The following CEP295 variants were observed in gnomAD, a reference collection of about 807,000 sequenced individuals.
CEP295 encodes centrosomal protein 295, also known as centrosomal protein of 295 kDa.
CEP295 carries 190 observed loss-of-function variants against 291.6 expected under a neutral mutation model. That is an observed-to-expected ratio of 0.65 (90% CI 0.58 to 0.73). The LOEUF is 0.73. Among genes scored for constraint, CEP295 ranks in the 30% least tolerant of loss-of-function variants. The pLI is 0.00. For missense variants in CEP295, 2,863 were observed against 2,949.4 expected (o/e 0.97, Z 0.68); for synonymous variants, 993 against 1,038.8 (o/e 0.96, Z 0.85).
At chr11:93,704,844 C>G (rs6483262) in intron 17 of CEP295, among the ~76,000 whole-genome samples, 62,077 of 151,950 alleles carry the variant, frequency 0.41, 13,732 homozygotes, top group Admixed American at 0.49. Context: ...CCTACACACC[C>G]TTTAATACCA....
At chr11:93,703,224 G>A (rs1262843102) in intron 17 of CEP295, among the ~76,000 whole-genome samples, 2 of 151,982 alleles carry the variant, frequency 1.3e-5, no homozygotes, top group East Asian at 1.9e-4. Context: ...TCAGCCTCCC[G>A]ACGTGCTAGG....
rs747646267 is a variant in CEP295 at position 93,729,292 on chromosome 11, A to C, written c.7303-142A>C. Reference sequence around the variant, plus strand: ...CCTACAAAAAATACAAAAATCAGGCATGGTGGCGGGTCTCTGTAGACCCAG... The same window carrying C: ...CCTACAAAAAATACAAAAATCAGGCCTGGTGGCGGGTCTCTGTAGACCCAG... On this transcript the variant is annotated intron_variant, in intron 25 of 29. Coordinates refer to ENST00000325212, the MANE Select transcript of CEP295 (RefSeq NM_033395.2). 36 of 639,340 alleles carry C rather than the reference A, an allele frequency of 5.6e-5. No individual in the cohort carries two copies. In the African/African-American group the frequency reaches 6.0e-4, roughly 11 times the overall value. The allele number at this position is 639,340 out of a possible 1,614,324, so 39.6% of individuals were successfully genotyped here. A position where few individuals can be genotyped will look rare whatever the true frequency, so the allele number is the denominator to read the frequency against.
rs1389782280 is a variant in CEP295, at chr11:93,669,763, T to C, written c.521T>C (p.Leu174Pro). 6.5e-7 allele frequency: 1 copy of C among 1,546,714 alleles called. No individual in the cohort carries two copies. Among genetic ancestry groups the C allele is most frequent in the African/African-American group, 1.4e-5 (1 of 73,028 alleles). ...AGTCTGCCACCTCCTCCTCCAACTC[T>C]TTTTGAGGTGAGTTTGAGTATTAAG... is the stretch of plus-strand genomic sequence containing the variant. ...ITSLPPPPPT[L>P]FENIEVKRIS... Residue 174 changes from leucine (L) to proline (P), a missense_variant, in exon 5 of 30, where the codon CTT (leucine) becomes CCT (proline). Physicochemically the swap from Leu to Pro is moderately conservative, Grantham distance 98. This residue lies in a region of CEP295 where 554 missense variants were observed against 576.0 expected (regional missense o/e 0.96). Transcript: ENST00000325212.
chr11:93,709,476 T>C (rs4604831), intron 18 of CEP295, among the ~76,000 whole-genome samples: 151,052 of 152,256 alleles, frequency 0.99, 74,951 homozygotes, highest in Middle Eastern at 1. Context: ...ATTGTTCCTG[T>C]GTTCTCTATT....
At position 93,668,187 on chromosome 11, in the gene CEP295, T is replaced by G. The variant is rs185493116; in HGVS notation, c.309+380T>G. 1.3e-4 allele frequency among the ~76,000 whole-genome samples: 20 copies of G among 152,256 alleles called. No homozygotes were observed. In the East Asian group the frequency reaches 3.1e-3, roughly 24 times the overall value. On this transcript the variant is annotated intron_variant, in intron 3 of 29. Transcript: ENST00000325212. ...ACATTTTTTGATGACTTTCAGAAAGTCACAGTAAGTCTGCCCCATTATTTT... is the reference window on the plus strand; with the variant it reads ...ACATTTTTTGATGACTTTCAGAAAGGCACAGTAAGTCTGCCCCATTATTTT...
intron 18 of CEP295, among the ~76,000 whole-genome samples, chr11:93,718,979 G>A (rs1591136895): frequency 2.0e-5 from 3 of 151,970 alleles, no homozygotes; most frequent in South Asian, 4.1e-4. Context: ...TTGGTGGTGC[G>A]CACCTGTAGT....
In CEP295 at chr11:93,697,984, G is replaced by C. The variant is rs1174949142; in HGVS notation, c.3072G>C (p.Lys1024Asn). ...SGKIQEQHSSKSEKGLVSCQS... is the reference protein window; with the variant it reads ...SGKIQEQHSSNSEKGLVSCQS... The stretch of plus-strand genomic sequence containing the variant: ...AAATACAGGAGCAACATTCATCTAA[G>C]AGCGAGAAAGGACTTGTTTCATGCC... The change falls in exon 15 of 30, where the codon AAG becomes AAC. Residue 1024 changes from lysine (K) to asparagine (N), a missense_variant. Lys to Asn is a moderately conservative substitution (Grantham distance 94). Around this residue, in one of 3 missense-constraint regions of CEP295, gnomAD observed 2,295 missense variants for 2,335.7 expected, o/e 0.98. Transcript: ENST00000325212. 5 of 1,551,526 alleles carry C rather than the reference G, an allele frequency of 3.2e-6. No homozygotes were observed. The highest frequency in any genetic ancestry group is 3.5e-6 in the Non-Finnish European group (4 of 1,146,980).
In CEP295 at chr11:93,697,569, C is replaced by T. The variant is rs553142796; in HGVS notation, c.2657C>T (p.Ser886Leu). The T allele has an allele frequency of 3.4e-5, 52 of 1,551,586 alleles. 1 individual carries two copies. In the South Asian group the frequency reaches 4.2e-4, roughly 12 times the overall value. Residue 886 changes from serine (S) to leucine (L), a missense_variant, in exon 15 of 30, where the codon TCG (serine) becomes TTG (leucine). By Grantham distance (145) the Ser-to-Leu change is moderately radical (BLOSUM62 -2). Around this residue, in one of 3 missense-constraint regions of CEP295, gnomAD observed 2,295 missense variants for 2,335.7 expected, o/e 0.98. Transcript: ENST00000325212. Reference sequence around the variant, plus strand: ...GAAGTGGAACAGCAAACGGGCCTCTCGGTATTCCTTCCCTTGGTAACTCCA... The same window carrying T: ...GAAGTGGAACAGCAAACGGGCCTCTTGGTATTCCTTCCCTTGGTAACTCCA... ...QKEVEQQTGLSVFLPLVTPDS... is the reference protein window; with the variant it reads ...QKEVEQQTGLLVFLPLVTPDS...
rs1205968703 is a variant in CEP295, at chr11:93,702,437, C to T, written c.5275-23C>T. 5.2e-5 allele frequency: 77 copies of T among 1,494,676 alleles called. No homozygotes were observed. The East Asian group carries it at 1.9e-3, about 37-fold the overall frequency. 92.6% of individuals were successfully genotyped at this position (1,494,676 alleles called of 1,614,324 possible). A position where few individuals can be genotyped will look rare whatever the true frequency, so the allele number is the denominator to read the frequency against. ...CATGATCCCCCAACTTGTGCTTCCC[C>T]ACCCTCATCTCCACTTTTTCAGATA... On this transcript the variant is annotated intron_variant, in intron 15 of 29. Coordinates refer to ENST00000325212, the MANE Select transcript of CEP295 (RefSeq NM_033395.2).
In CEP295 at chr11:93,697,906, G is replaced by C. The variant is rs1279210592; in HGVS notation, c.2994G>C (p.Gln998His). The change falls in exon 15 of 30, where the codon CAG becomes CAC. Residue 998 changes from glutamine (Q) to histidine (H), a missense_variant. Gln to His is a conservative substitution (Grantham distance 24). Around this residue, in one of 3 missense-constraint regions of CEP295, gnomAD observed 2,295 missense variants for 2,335.7 expected, o/e 0.98. Transcript: ENST00000325212. ...SEQAEPSFPF[Q>H]VAQHTFTSLP... Reference sequence around the variant, plus strand: ...AGGCTGAGCCCTCTTTCCCATTTCAGGTAGCTCAGCATACATTTACTTCAC... The same window carrying C: ...AGGCTGAGCCCTCTTTCCCATTTCACGTAGCTCAGCATACATTTACTTCAC... The C allele has an allele frequency of 6.4e-7, 1 of 1,551,520 alleles. No individual in the cohort carries two copies.
At chr11:93,717,235 C>T (rs1026810619) in intron 18 of CEP295, among the ~76,000 whole-genome samples, 1 of 152,204 alleles carries the variant, frequency 6.6e-6, no homozygotes, top group African/African-American at 2.4e-5. Context: ...TTCCGTCTCT[C>T]TTGCTCCACC....
At chr11:93,710,104 T>C (rs1400167978) in intron 18 of CEP295, among the ~76,000 whole-genome samples, 1 of 152,198 alleles carries the variant, frequency 6.6e-6, no homozygotes, top group African/African-American at 2.4e-5. Context: ...CCTTTCCAAC[T>C]TGGATGCTCT....
intron 6 of CEP295, among the ~76,000 whole-genome samples, chr11:93,677,165 T>G (rs1950734575): frequency 6.6e-6 from 1 of 152,164 alleles, no homozygotes; most frequent in Admixed American, 6.5e-5. Context: ...AAATTACCTC[T>G]GAATTTTCAT....
chr11:93,669,254 G>A (rs1950322539), intron 4 of CEP295, among the ~76,000 whole-genome samples: 1 of 151,974 alleles, frequency 6.6e-6, no homozygotes, highest in South Asian at 2.1e-4. Flanking sequence ...AAATTGATGT[G>A]ATTAAGAACA....
chr11:93,683,393 G>A (rs1951069073), intron 7 of CEP295, among the ~76,000 whole-genome samples, 166 bp from the exon 8 acceptor site: 1 of 152,158 alleles, frequency 6.6e-6, no homozygotes, highest in African/African-American at 2.4e-5. Flanking sequence ...CTGGTATTCA[G>A]CAAATAATTG....
intron 1 of CEP295, among the ~76,000 whole-genome samples, chr11:93,666,269 C>T (rs1357735530): frequency 6.6e-6 from 1 of 152,120 alleles, no homozygotes; most frequent in East Asian, 1.9e-4. Flanking sequence ...GTATATAACC[C>T]TTTAAATATC....
rs377627058 is a variant in CEP295, at chr11:93,699,936, A to G, written c.5024A>G (p.Gln1675Arg). 1.4e-4 allele frequency: 220 copies of G among 1,551,816 alleles called. No individual in the cohort carries two copies. The African/African-American group carries it at 2.8e-3, about 19-fold the overall frequency. The change falls in exon 15 of 30, where the codon CAG becomes CGG. Residue 1675 changes from glutamine to arginine, a missense_variant. By Grantham distance (43) the Gln-to-Arg change is conservative (BLOSUM62 1). This residue lies in a region of CEP295 where 2,295 missense variants were observed against 2,335.7 expected (regional missense o/e 0.98). Coordinates refer to ENST00000325212, the MANE Select transcript of CEP295 (RefSeq NM_033395.2). ...AGCACTTGTGAATTGTATTCATCCC[A>G]GAATGAACATGCAGCCCCCCCAAGT... is the stretch of plus-strand genomic sequence containing the variant. ...PKSTCELYSSQNEHAAPPSNP... is the reference protein window; with the variant it reads ...PKSTCELYSSRNEHAAPPSNP...
chr11:93,693,276 C>CA (rs200935577), intron 12 of CEP295, among the ~76,000 whole-genome samples: 332 of 139,566 alleles, frequency 2.4e-3, no homozygotes, highest in East Asian at 7.9e-3. Context: ...GACTCTGTCT[C>CA]AAAAAAAAAA....
intron 22 of CEP295, among the ~76,000 whole-genome samples, chr11:93,725,160 C>T (rs946250550): frequency 1.3e-5 from 2 of 151,676 alleles, no homozygotes; most frequent in Non-Finnish European, 2.9e-5. Flanking sequence ...AGGCTGAGAA[C>T]CGCTTGAACC....
Sources: gnomAD v4.1 joint callset for allele counts (sites outside exome capture counted in the v4.1 genomes callset) on GRCh38, gnomAD v4.1.1 for gene constraint, gnomAD v4.1.1 regional missense constraint, MANE v1.5 for transcripts, NCBI Gene and HGNC (gene_info 2026-07-23, HGNC 2026-07-21) for gene names.